The following GAPVD1 variants were observed in gnomAD, a reference collection of about 807,000 sequenced individuals.
GAPVD1 encodes the protein GTPase activating protein and VPS9 domains 1, also known as GTPase-activating protein and VPS9 domain-containing protein 1.
Under a neutral mutation model 155.5 loss-of-function variants are expected in GAPVD1, and 35 were observed. The ratio of observed to expected loss-of-function variants is 0.23; its 90% CI spans 0.17 to 0.30. The LOEUF (loss-of-function observed/expected upper bound fraction) is 0.30. Among genes scored for constraint, GAPVD1 ranks in the 10% least tolerant of loss-of-function variants. The pLI is 1.00. For synonymous variants in GAPVD1, 636 were observed against 619.7 expected, an observed-to-expected ratio of 1.03 and a Z score of -0.39; for missense variants, 1,429 against 1,775.7, an observed-to-expected ratio of 0.80 and a Z score of 3.51.
chr9:125,328,860 G>C (rs113306378), intron 12 of GAPVD1, among the ~76,000 whole-genome samples: 13 of 152,088 alleles, frequency 8.5e-5, no homozygotes, highest in Non-Finnish European at 4.4e-5. Context: ...CTCCCGGACG[G>C]GGCGGCTGGC....
intron 2 of GAPVD1, among the ~76,000 whole-genome samples, chr9:125,288,963 C>T (rs945624070): frequency 6.6e-6 from 1 of 151,956 alleles, no homozygotes; most frequent in Middle Eastern, 3.2e-3. Context: ...TTGGTAAAGA[C>T]CTAAAGGAAG....
chr9:125,293,798 A>C (rs71497084), intron 2 of GAPVD1, among the ~76,000 whole-genome samples: 48,751 of 120,104 alleles, frequency 0.41, 10,643 homozygotes, highest in Middle Eastern at 0.51. Flanking sequence ...AAATATATAA[A>C]AATTTTTATA....
At chr9:125,328,779 G>A (rs868826159) in intron 12 of GAPVD1, among the ~76,000 whole-genome samples, 21 of 151,920 alleles carry the variant, frequency 1.4e-4, no homozygotes, top group African/African-American at 4.1e-4. Context: ...AGGGGCGGCC[G>A]GGCAGAGGCG....
chr9:125,335,170 A>G, intron 15 of GAPVD1: 1 of 759,266 alleles, frequency 1.3e-6, no homozygotes, highest in Non-Finnish European at 2.4e-6. Flanking sequence ...GTGTGAGGCC[A>G]GATTTTCTTT....
Position 125,307,525 on chromosome 9 carries a change from C to A in GAPVD1, c.1229C>A (p.Thr410Asn). The A allele has an allele frequency of 6.2e-7, 1 of 1,610,306 alleles. No individual in the cohort carries two copies. ...TTGAGCAGAACTGTGGTTTATATAA[C>A]CTACAGTCAGCTTATTACTCTGGTA... ...EGLSRTVVYI[T>N]YSQLITLVNF... is the part of the protein sequence containing the mutation. Residue 410 changes from threonine to asparagine, a missense_variant, in exon 7 of 28, where the codon ACC (threonine) becomes AAC (asparagine). This residue lies in a region of GAPVD1 where 628 missense variants were observed against 733.4 expected (regional missense o/e 0.86). Transcript: ENST00000297933.
chr9:125,276,323 T>C (rs1164896928), intron 2 of GAPVD1, among the ~76,000 whole-genome samples: 1 of 152,194 alleles, frequency 6.6e-6, no homozygotes, highest in East Asian at 1.9e-4. Flanking sequence ...AACCAAATAA[T>C]ACTGACTAAA....
chr9:125,282,057 G>T (rs1836874779), intron 2 of GAPVD1, among the ~76,000 whole-genome samples: 1 of 152,158 alleles, frequency 6.6e-6, no homozygotes, highest in African/African-American at 2.4e-5. Flanking sequence ...AAGGTGGGCG[G>T]ATCACAAGAT....
At chr9:125,265,654 G>C (rs1833790859) in intron 1 of GAPVD1, among the ~76,000 whole-genome samples, 1 of 146,216 alleles carries the variant, frequency 6.8e-6, no homozygotes, top group African/African-American at 2.5e-5. Context: ...CTCGTGATCT[G>C]CCCACCTCGG....
At chr9:125,328,695 C>T (rs1010537475) in intron 12 of GAPVD1, among the ~76,000 whole-genome samples, 3 of 151,382 alleles carry the variant, frequency 2.0e-5, no homozygotes, top group Admixed American at 1.3e-4. Context: ...CATCCTGGCC[C>T]GTTCTCAATG....
intron 25 of GAPVD1, among the ~76,000 whole-genome samples, chr9:125,356,966 C>G (rs368521763): frequency 6.6e-6 from 1 of 152,090 alleles, no homozygotes; most frequent in Non-Finnish European, 1.5e-5. Context: ...TGAGCTGTTG[C>G]GCTCAGCCTT....
At chr9:125,334,007 T>C (rs922954082) in intron 15 of GAPVD1, among the ~76,000 whole-genome samples, 6 of 152,272 alleles carry the variant, frequency 3.9e-5, no homozygotes, top group Middle Eastern at 3.4e-3. Flanking sequence ...AAATGCTCTC[T>C]TGGGGGACAA....
intron 9 of GAPVD1, among the ~76,000 whole-genome samples, chr9:125,316,752 C>T (rs1241844081): frequency 6.6e-6 from 1 of 152,144 alleles, no homozygotes; most frequent in Non-Finnish European, 1.5e-5. Context: ...TGGGTATATA[C>T]ACCCAGTAAT....
chr9:125,355,331 C>T (rs747629427), intron 24 of GAPVD1, among the ~76,000 whole-genome samples: 1 of 152,206 alleles, frequency 6.6e-6, no homozygotes, highest in Admixed American at 6.5e-5. Flanking sequence ...GTCTCAATCT[C>T]CTGACCTCGT....
chr9:125,333,002 A>G lies in GAPVD1; in HGVS notation c.2428+373A>G, dbSNP rs79531832. Among the ~76,000 whole-genome samples, 22 of 152,362 alleles carry G rather than the reference A, an allele frequency of 1.4e-4. No individual in the cohort carries two copies. In the East Asian group the frequency reaches 4.0e-3, roughly 28 times the overall value. On this transcript the variant is annotated intron_variant, in intron 15 of 27. Transcript: ENST00000297933. ...TTTAAAATGCATTAAGGAATATGAA[A>G]TGACTTAGAGAAAAAACTAGAACAT... is the stretch of plus-strand genomic sequence containing the variant.
At chr9:125,329,585 A>C (rs1021975767) in intron 12 of GAPVD1, among the ~76,000 whole-genome samples, 3 of 151,448 alleles carry the variant, frequency 2.0e-5, no homozygotes, top group African/African-American at 7.3e-5. Context: ...GCTTGATTGA[A>C]GTTATTCTTA....
intron 13 of GAPVD1, among the ~76,000 whole-genome samples, chr9:125,330,798 G>A (rs1191463174): frequency 6.6e-6 from 1 of 152,208 alleles, no homozygotes; most frequent in Non-Finnish European, 1.5e-5. Context: ...GATTATCAGA[G>A]TCCGTGTGAA....
intron 15 of GAPVD1, among the ~76,000 whole-genome samples, chr9:125,333,522 C>G (rs1195045129): frequency 6.5e-5 from 7 of 108,318 alleles, no homozygotes; most frequent in Non-Finnish European, 1.1e-4. Flanking sequence ...GAGTTTTGCT[C>G]TTGTTGCCCA....
chr9:125,362,888 A>C lies in GAPVD1; in HGVS notation c.*142A>C. The C allele has an allele frequency of 1.6e-6, 1 of 609,596 alleles. No individual in the cohort carries two copies. The highest frequency in any genetic ancestry group is 2.7e-6 in the Non-Finnish European group (1 of 375,490). The allele number at this position is 609,596 out of a possible 1,614,324, so 37.8% of individuals were successfully genotyped here. On this transcript the variant is annotated 3_prime_UTR_variant, in exon 28 of 28. Coordinates refer to ENST00000297933, the MANE Select transcript of GAPVD1 (RefSeq NM_001282680.3). ...GGCATTTTAAAGCAGATCTTTACTAAACAGGTTAATGAGCTAACAAGCAGG... is the reference window on the plus strand; with the variant it reads ...GGCATTTTAAAGCAGATCTTTACTACACAGGTTAATGAGCTAACAAGCAGG...
At chr9:125,300,904 A>C (rs774339914) in intron 4 of GAPVD1, among the ~76,000 whole-genome samples, 4 of 152,152 alleles carry the variant, frequency 2.6e-5, no homozygotes, top group Admixed American at 6.6e-5. Flanking sequence ...AGAAGCAAAA[A>C]GCCTAGTTAA....
Sources: gnomAD v4.1 joint callset for allele counts (sites outside exome capture counted in the v4.1 genomes callset) on GRCh38, gnomAD v4.1.1 for gene constraint, gnomAD v4.1.1 regional missense constraint, MANE v1.5 for transcripts, NCBI Gene and HGNC (gene_info 2026-07-23, HGNC 2026-07-21) for gene names.